RTL4: variants seen among roughly 807,000 people sequenced by gnomAD.
The protein encoded by RTL4 is retrotransposon Gag-like protein 4.
In RTL4, 4 loss-of-function variants were observed where a neutral mutation model predicts 5.3. That is an observed-to-expected ratio of 0.75 (90% CI 0.37 to 1.72). The LOEUF is 1.72. Among genes scored for constraint, RTL4 ranks in the 40% most tolerant of loss-of-function variants. The probability of loss-of-function intolerance (pLI) is 0.04; values close to 1 mark genes in which losing one functional copy is unlikely to be tolerated. For missense variants in RTL4, 260 were observed against 227.1 expected, an observed-to-expected ratio of 1.14 and a Z score of -0.93; for synonymous variants, 98 against 87.3, an observed-to-expected ratio of 1.12 and a Z score of -0.68.
At chrX:112,351,924 T>G in the RTL4 span, among the ~76,000 whole-genome samples, 2 of 111,749 alleles carry the variant, frequency 1.8e-5, no homozygotes, top group African/African-American at 3.3e-5. Context: ...TGTTAGCTGG[T>G]TCTTTTGCTC....
the RTL4 span, among the ~76,000 whole-genome samples, chrX:112,413,194 A>T: frequency 9.0e-6 from 1 of 111,628 alleles, no homozygotes; most frequent in East Asian, 2.8e-4. Context: ...ACATCCAAAA[A>T]GTGAGGGAAT....
At chrX:112,263,901 A>G in the RTL4 span, among the ~76,000 whole-genome samples, 4 of 111,909 alleles carry the variant, frequency 3.6e-5, no homozygotes, top group Admixed American at 1.9e-4. Flanking sequence ...ATTTTTGTCA[A>G]TTAAATATTT....
At chrX:112,431,685 TG>T in the RTL4 span, among the ~76,000 whole-genome samples, 3 of 111,457 alleles carry the variant, frequency 2.7e-5, no homozygotes, top group Admixed American at 1.9e-4. Flanking sequence ...TTTTTCAGTT[TG>T]TTTAGCTTTT....
the RTL4 span, among the ~76,000 whole-genome samples, chrX:112,415,544 G>T: frequency 2.7e-5 from 3 of 110,846 alleles, 1 homozygote; most frequent in Non-Finnish European, 5.7e-5. Flanking sequence ...TATATACTTA[G>T]AAGTTGTTGT....
At chrX:112,170,999 A>G in the RTL4 span, among the ~76,000 whole-genome samples, 4 of 111,608 alleles carry the variant, frequency 3.6e-5, no homozygotes, top group Non-Finnish European at 5.6e-5. Context: ...GTCTATTGAG[A>G]TAATTATGTG....
At chrX:112,218,716 G>A in the RTL4 span, among the ~76,000 whole-genome samples, 1 of 110,802 alleles carries the variant, frequency 9.0e-6, no homozygotes, top group African/African-American at 3.3e-5. Context: ...TAAGACTATT[G>A]GATATTCTGT....
chrX:112,244,596 G>A, the RTL4 span, among the ~76,000 whole-genome samples: 5 of 111,417 alleles, frequency 4.5e-5, no homozygotes, highest in Admixed American at 4.8e-4. Context: ...GCTTCTGTAC[G>A]TGAAATGGGT....
At chrX:112,289,773 ATGTGTGTG>A in the RTL4 span, among the ~76,000 whole-genome samples, 1,398 of 106,007 alleles carry the variant, frequency 0.013, 18 homozygotes, top group African/African-American at 0.045. Context: ...TGTATAATAT[ATGTGTGTG>A]TGTGTGTGTG....
At chrX:112,162,198 C>A in the RTL4 span, among the ~76,000 whole-genome samples, 1 of 110,888 alleles carries the variant, frequency 9.0e-6, no homozygotes, top group Non-Finnish European at 1.9e-5. Flanking sequence ...ACAACAATAA[C>A]AACAAAACCA....
At chrX:112,196,221 T>C in the RTL4 span, among the ~76,000 whole-genome samples, 1 of 112,098 alleles carries the variant, frequency 8.9e-6, no homozygotes, top group East Asian at 2.8e-4. Context: ...AAGAATGTTA[T>C]ATAAAGGAAG....
At chrX:112,222,715 A>G in the RTL4 span, among the ~76,000 whole-genome samples, 1 of 111,380 alleles carries the variant, frequency 9.0e-6, no homozygotes, top group Non-Finnish European at 1.9e-5. Context: ...CCTGGAAAAC[A>G]GAGCAAGACC....
the RTL4 span, among the ~76,000 whole-genome samples, chrX:112,112,900 T>C: frequency 9.0e-6 from 1 of 111,516 alleles, no homozygotes; most frequent in Non-Finnish European, 1.9e-5. Flanking sequence ...TCCAGAACAG[T>C]GAACCATTCT....
the RTL4 span, among the ~76,000 whole-genome samples, chrX:112,176,915 C>G: frequency 1.8e-5 from 2 of 111,090 alleles, no homozygotes. Context: ...ATAGAGTGAG[C>G]ACATGAAGTA....
chrX:112,347,710 C>T, the RTL4 span, among the ~76,000 whole-genome samples: 1 of 111,413 alleles, frequency 9.0e-6, no homozygotes, highest in African/African-American at 3.3e-5. Flanking sequence ...AACTGAGTGG[C>T]TAATCAACCA....
chrX:112,156,891 G>A, the RTL4 span, among the ~76,000 whole-genome samples: 1 of 111,121 alleles, frequency 9.0e-6, no homozygotes, highest in Non-Finnish European at 1.9e-5. Context: ...TGGAGACTGG[G>A]GTGTTAGTGA....
chrX:112,454,629 T>C lies in RTL4; in HGVS notation c.-100T>C, dbSNP rs368606336. ...GCTAACAGCTTTGGCTACTTGCTCA[T>C]GACACTCCGTCTCTGATCACAGAGC... is the stretch of plus-strand genomic sequence containing the variant. On this transcript the variant is annotated 5_prime_UTR_variant, in exon 1 of 1. An upstream start codon of the reference 5' UTR is lost. Transcript: ENST00000340433. The C allele has an allele frequency of 2.9e-5, 24 of 820,278 alleles. No homozygotes were observed. The African/African-American group carries it at 4.6e-4, about 16-fold the overall frequency. The allele number at this position is 820,278 out of a possible 1,213,427, so 67.6% of individuals were successfully genotyped here.
the RTL4 span, among the ~76,000 whole-genome samples, chrX:112,314,392 G>C: frequency 4.6e-5 from 5 of 109,779 alleles, no homozygotes; most frequent in South Asian, 1.2e-3. Flanking sequence ...TTGGTTTGCT[G>C]TTTGGTTGGA....
At chrX:112,294,534 G>A in the RTL4 span, among the ~76,000 whole-genome samples, 21 of 111,285 alleles carry the variant, frequency 1.9e-4, no homozygotes, top group East Asian at 5.9e-3. Flanking sequence ...GGGAAGCAGG[G>A]GTTGCAGTGA....
chrX:112,395,185 C>A, the RTL4 span, among the ~76,000 whole-genome samples: 15 of 111,783 alleles, frequency 1.3e-4, no homozygotes, highest in Admixed American at 1.4e-3. Context: ...AAAGAAATTT[C>A]ATTCCTCACA....
Sources: gnomAD v4.1 joint callset for allele counts (sites outside exome capture counted in the v4.1 genomes callset) on GRCh38, gnomAD v4.1.1 for gene constraint, MANE v1.5 for transcripts, NCBI Gene and HGNC (gene_info 2026-07-23, HGNC 2026-07-21) for gene names.